The following SCAPER variants were observed in gnomAD, a reference collection of about 807,000 sequenced individuals.
The protein encoded by SCAPER is S-phase cyclin A associated protein in the ER.
A neutral mutation model predicts 182.2 loss-of-function variants in SCAPER; 98 were observed. That is an observed-to-expected ratio of 0.54 (90% CI 0.46 to 0.64). SCAPER has a LOEUF of 0.64. SCAPER is among the 30% of genes least tolerant of loss of function. The pLI is 0.00. For missense variants in SCAPER, 1,432 were observed against 1,690.0 expected (o/e 0.85, Z 2.68); for synonymous variants, 605 against 564.6 (o/e 1.07, Z -1.01).
intron 22 of SCAPER, among the ~76,000 whole-genome samples, chr15:76,620,867 G>A (rs924754981): frequency 2.6e-5 from 4 of 152,126 alleles, no homozygotes; most frequent in African/African-American, 7.2e-5. Flanking sequence ...GGGACAAGAG[G>A]AGGGAGAGCA....
At chr15:76,460,755 G>A (rs942641974) in intron 25 of SCAPER, among the ~76,000 whole-genome samples, 1 of 152,066 alleles carries the variant, frequency 6.6e-6, no homozygotes, top group African/African-American at 2.4e-5. Context: ...GTAACTTCAA[G>A]TTTAATGACC....
At chr15:76,684,475 C>T (rs2057913559) in intron 20 of SCAPER, among the ~76,000 whole-genome samples, 1 of 152,014 alleles carries the variant, frequency 6.6e-6, no homozygotes, top group Non-Finnish European at 1.5e-5. Flanking sequence ...TCAACTATTA[C>T]ATACCCATAG....
At chr15:76,722,506 C>T (rs144221837) in intron 17 of SCAPER, among the ~76,000 whole-genome samples, 51,104 of 152,004 alleles carry the variant, frequency 0.34, 8,850 homozygotes, top group East Asian at 0.55. Context: ...GGAATGGTAC[C>T]AGCTCCTCCT....
intron 5 of SCAPER, among the ~76,000 whole-genome samples, chr15:76,815,935 A>G (rs1014012524): frequency 6.6e-6 from 1 of 152,196 alleles, no homozygotes; most frequent in Non-Finnish European, 1.5e-5. Context: ...GAGTAACACA[A>G]TGTTAAGTAT....
At chr15:76,778,285 A>C (rs1322640855) in intron 8 of SCAPER, among the ~76,000 whole-genome samples, 1 of 152,202 alleles carries the variant, frequency 6.6e-6, no homozygotes, top group African/African-American at 2.4e-5. Flanking sequence ...AGAGTTAAGG[A>C]AACCAATTAA....
At chr15:76,856,815 G>A (rs1280479828) in intron 4 of SCAPER, among the ~76,000 whole-genome samples, 1 of 151,944 alleles carries the variant, frequency 6.6e-6, no homozygotes, top group South Asian at 2.1e-4. Flanking sequence ...CATTCTGTGA[G>A]CTCTGATTGT....
intron 5 of SCAPER, among the ~76,000 whole-genome samples, chr15:76,820,490 C>CA: frequency 6.7e-6 from 1 of 148,364 alleles, no homozygotes; most frequent in East Asian, 2.0e-4. Context: ...ATCGCAAGGA[C>CA]AAAAAACCAA....
At chr15:76,709,841 C>T (rs2059468208) in intron 17 of SCAPER, among the ~76,000 whole-genome samples, 1 of 152,036 alleles carries the variant, frequency 6.6e-6, no homozygotes, top group African/African-American at 2.4e-5. Flanking sequence ...GGGAATTAAC[C>T]CAAGAATGCA....
chr15:76,693,777 T>C lies in SCAPER; in HGVS notation c.2508+7981A>G, dbSNP rs75658920. Among the ~76,000 whole-genome samples the C allele has an allele frequency of 8.2e-3, 1,243 of 152,214 alleles. 13 individuals are homozygous for C. Among genetic ancestry groups the C allele is most frequent in the African/African-American group, 0.028 (1,179 of 41,540 alleles). ...GACAAATACTGTATGATTCCACTTA[T>C]ATGGGGTTCATAGAGACAGAAATTA... is the stretch of plus-strand genomic sequence containing the variant. On this transcript the variant is annotated intron_variant, in intron 20 of 31. Coordinates refer to ENST00000563290, the MANE Select transcript of SCAPER (RefSeq NM_020843.4).
At chr15:76,834,779 G>A (rs900639595) in intron 5 of SCAPER, among the ~76,000 whole-genome samples, 1 of 152,072 alleles carries the variant, frequency 6.6e-6, no homozygotes, top group Non-Finnish European at 1.5e-5. Flanking sequence ...ACACTTCTGT[G>A]CATACCAACT....
chr15:76,708,222 T>A (rs1398694022), intron 17 of SCAPER, among the ~76,000 whole-genome samples: 1 of 152,200 alleles, frequency 6.6e-6, no homozygotes, highest in Non-Finnish European at 1.5e-5. Context: ...CAAGTAGTTG[T>A]TATACTGTAC....
intron 5 of SCAPER, among the ~76,000 whole-genome samples, chr15:76,819,060 G>A (rs1466594776): frequency 2.0e-5 from 3 of 152,246 alleles, no homozygotes; most frequent in Non-Finnish European, 4.4e-5. Flanking sequence ...CCATTGCCAA[G>A]ACTTGAGTAG....
intron 15 of SCAPER, 96 bp downstream of exon 15, chr15:76,753,708 GAATA>G: frequency 7.4e-7 from 1 of 1,346,676 alleles, no homozygotes; most frequent in Non-Finnish European, 1.0e-6. Flanking sequence ...TTCTACAACA[GAATA>G]AACATTGGAT....
At chr15:76,443,719 T>C (rs1401081289) in intron 25 of SCAPER, among the ~76,000 whole-genome samples, 2 of 152,238 alleles carry the variant, frequency 1.3e-5, no homozygotes, top group Non-Finnish European at 2.9e-5. Context: ...TTCCACTTGA[T>C]GAGTGCCGAA....
chr15:76,389,539 C>T (rs191444848), intron 27 of SCAPER, among the ~76,000 whole-genome samples: 1,705 of 127,662 alleles, frequency 0.013, 36 homozygotes, highest in African/African-American at 0.046. Flanking sequence ...AAAGGCCGGG[C>T]GCGGTGGCTC....
chr15:76,529,828 T>C (rs2043500925), intron 23 of SCAPER, among the ~76,000 whole-genome samples: 1 of 152,154 alleles, frequency 6.6e-6, no homozygotes, highest in African/African-American at 2.4e-5. Flanking sequence ...ATCTAGAGCT[T>C]TCTAGGTGAT....
intron 26 of SCAPER, among the ~76,000 whole-genome samples, chr15:76,405,155 C>T: frequency 1.4e-5 from 2 of 145,104 alleles, no homozygotes; most frequent in Middle Eastern, 3.8e-3. Flanking sequence ...CACTCTGTCA[C>T]CTGGCTGGAG....
intron 5 of SCAPER, among the ~76,000 whole-genome samples, chr15:76,816,165 A>C (rs183419465): frequency 4.7e-4 from 72 of 152,290 alleles, no homozygotes; most frequent in African/African-American, 1.6e-3. Flanking sequence ...TAGACTACAC[A>C]AAATCCATAC....
At chr15:76,381,287 G>A (rs1427241642) in intron 28 of SCAPER, 91 bp downstream of exon 28, 4 of 970,080 alleles carry the variant, frequency 4.1e-6, no homozygotes, top group South Asian at 2.9e-5. Context: ...TATTCCTTAT[G>A]CCCCAATTCA....
Sources: allele counts gnomAD v4.1 joint callset (sites outside exome capture counted in the v4.1 genomes callset), GRCh38; gene constraint gnomAD v4.1.1; transcripts MANE v1.5; gene names NCBI Gene and HGNC (gene_info 2026-07-23, HGNC 2026-07-21).